Variants in MIS18A observed in about 807,000 individuals in gnomAD.
MIS18A encodes the protein MIS18 kinetochore protein A.
MIS18A carries 14 observed loss-of-function variants against 25.0 expected under a neutral mutation model. The ratio of observed to expected loss-of-function variants is 0.56; its 90% confidence interval spans 0.37 to 0.88. MIS18A has a LOEUF of 0.88. MIS18A is among the 40% of genes least tolerant of loss of function. The probability of loss-of-function intolerance (pLI) is 0.00; values close to 1 mark genes in which losing one functional copy is unlikely to be tolerated. For synonymous variants in MIS18A, 134 were observed against 118.6 expected (o/e 1.13, Z -0.84); for missense variants, 292 against 290.8 (o/e 1.00, Z -0.03).
the MIS18A span, among the ~76,000 whole-genome samples, chr21:32,215,930 T>C: frequency 2.0e-5 from 3 of 152,148 alleles, no homozygotes; most frequent in Non-Finnish European, 4.4e-5. Flanking sequence ...ATTTAGATCA[T>C]AACAAAAAGG....
At chr21:32,169,438 T>C in the MIS18A span, among the ~76,000 whole-genome samples, 1 of 152,082 alleles carries the variant, frequency 6.6e-6, no homozygotes, top group African/African-American at 2.4e-5. Flanking sequence ...GCAAAACTAG[T>C]TGGGCCAAAT....
At chr21:32,271,185 G>A (rs1015529856) in intron 2 of MIS18A, among the ~76,000 whole-genome samples, 1 of 151,998 alleles carries the variant, frequency 6.6e-6, no homozygotes, top group African/African-American at 2.4e-5. Context: ...TCTCCCAAAC[G>A]CCTTGTTGAA....
chr21:32,170,135 C>T, the MIS18A span, among the ~76,000 whole-genome samples: 3 of 152,132 alleles, frequency 2.0e-5, no homozygotes, highest in East Asian at 1.9e-4. Context: ...CTTAGAGAAA[C>T]ATCTCACCAA....
the MIS18A span, among the ~76,000 whole-genome samples, chr21:32,159,015 T>A: frequency 6.6e-6 from 1 of 152,206 alleles, no homozygotes; most frequent in Non-Finnish European, 1.5e-5. Context: ...AATACCTCCT[T>A]ATATCTTTAA....
the MIS18A span, among the ~76,000 whole-genome samples, chr21:32,187,856 G>A: frequency 0.15 from 22,814 of 152,070 alleles, 1,820 homozygotes; most frequent in East Asian, 0.25. Flanking sequence ...CCCAAAATTC[G>A]TATGTGAAAT....
chr21:32,274,772 A>G, intron 2 of MIS18A, 58 bp downstream of exon 2: 1 of 1,378,630 alleles, frequency 7.3e-7, no homozygotes, highest in Non-Finnish European at 1.0e-6. Context: ...ATGACCTTTT[A>G]AAGATTTTTA....
the MIS18A span, among the ~76,000 whole-genome samples, chr21:32,160,600 C>T: frequency 2.0e-5 from 3 of 151,172 alleles, no homozygotes; most frequent in East Asian, 3.9e-4. Context: ...CAACTCTAAG[C>T]AGGGAGGGAG....
the MIS18A span, among the ~76,000 whole-genome samples, chr21:32,220,223 A>G: frequency 6.6e-6 from 1 of 152,188 alleles, no homozygotes; most frequent in African/African-American, 2.4e-5. Context: ...CTCATACAGG[A>G]GAGCTCCAGC....
At chr21:32,244,292 AT>A in the MIS18A span, among the ~76,000 whole-genome samples, 117 of 147,008 alleles carry the variant, frequency 8.0e-4, no homozygotes, top group Middle Eastern at 3.6e-3. Flanking sequence ...GCACACGGGA[AT>A]TTTTTTTTTT....
the MIS18A span, among the ~76,000 whole-genome samples, chr21:32,257,403 T>C: frequency 1.3e-5 from 2 of 152,304 alleles, no homozygotes; most frequent in Non-Finnish European, 2.9e-5. Context: ...CTTCAAGACA[T>C]GCACCTGGTG....
chr21:32,274,096 C>G (rs1373099222), intron 2 of MIS18A, among the ~76,000 whole-genome samples: 1 of 151,652 alleles, frequency 6.6e-6, no homozygotes, highest in Non-Finnish European at 1.5e-5. Flanking sequence ...TGTGTGACAG[C>G]AGCATTTTAT....
intron 1 of MIS18A, among the ~76,000 whole-genome samples, chr21:32,275,772 T>C (rs1307529203): frequency 1.3e-5 from 2 of 151,948 alleles, no homozygotes; most frequent in Non-Finnish European, 2.9e-5. Flanking sequence ...TGATTCTTTG[T>C]CTCCTCATCC....
chr21:32,211,377 A>C, the MIS18A span, among the ~76,000 whole-genome samples: 1 of 152,220 alleles, frequency 6.6e-6, no homozygotes, highest in African/African-American at 2.4e-5. Flanking sequence ...AGGAAAGGGG[A>C]AACATGTAAC....
rs761364150 is a variant in MIS18A at position 32,270,396 on chromosome 21, A to C, written c.524+11T>G. On this transcript the variant is annotated intron_variant, in intron 3 of 4. Transcript: ENST00000290130. ...CCAGTTGTGAGGTAAACATTTATAT[A>C]TCAAACTTACCTTTCAATGGCTTCA... 10 of 1,613,868 alleles carry C rather than the reference A, an allele frequency of 6.2e-6. No individual in the cohort carries two copies. The highest frequency in any genetic ancestry group is 1.7e-4 in the Middle Eastern group (1 of 6,060).
the MIS18A span, among the ~76,000 whole-genome samples, chr21:32,201,851 T>A: frequency 9.9e-5 from 15 of 152,158 alleles, no homozygotes; most frequent in Admixed American, 5.9e-4. Context: ...AAAAATTTTT[T>A]AAAAAAATCC....
At chr21:32,266,977 C>T (rs2031618479), downstream of MIS18A, among the ~76,000 whole-genome samples, 1 of 152,064 alleles carries the variant, frequency 6.6e-6, no homozygotes, top group Non-Finnish European at 1.5e-5. Context: ...AACACACACA[C>T]ACACACACAC....
the MIS18A span, among the ~76,000 whole-genome samples, chr21:32,229,748 G>A: frequency 3.9e-5 from 6 of 152,082 alleles, no homozygotes; most frequent in African/African-American, 7.2e-5. Flanking sequence ...GCCCATCAGC[G>A]GATCAATATG....
chr21:32,196,871 A>T, the MIS18A span, among the ~76,000 whole-genome samples: 1 of 152,174 alleles, frequency 6.6e-6, no homozygotes, highest in Non-Finnish European at 1.5e-5. Flanking sequence ...AAAGATAGGC[A>T]TCCTATTGAT....
At chr21:32,222,493 A>C in the MIS18A span, among the ~76,000 whole-genome samples, 2 of 152,318 alleles carry the variant, frequency 1.3e-5, no homozygotes, top group African/African-American at 4.8e-5. Flanking sequence ...ATATACATTG[A>C]TCTCAGCACG....
Sources: allele counts gnomAD v4.1 joint callset (sites outside exome capture counted in the v4.1 genomes callset), GRCh38; gene constraint gnomAD v4.1.1; transcripts MANE v1.5; gene names NCBI Gene and HGNC (gene_info 2026-07-23, HGNC 2026-07-21).